The following PPARA variants were observed in gnomAD, a reference collection of about 807,000 sequenced individuals.
The protein encoded by PPARA is peroxisome proliferator-activated receptor alpha.
A neutral mutation model predicts 42.2 loss-of-function variants in PPARA; 22 were observed. The ratio of observed to expected loss-of-function variants is 0.52; its 90% confidence interval spans 0.37 to 0.74. PPARA has a LOEUF of 0.74. Ranked by LOEUF, PPARA falls within the 30% of genes least tolerant of loss-of-function variation. The pLI is 0.00. For missense variants in PPARA, 465 were observed against 608.2 expected, an observed-to-expected ratio of 0.76 and a Z score of 2.48; for synonymous variants, 242 against 239.3, an observed-to-expected ratio of 1.01 and a Z score of -0.10.
At chr22:46,209,135 A>G (rs935865931) in intron 4 of PPARA, among the ~76,000 whole-genome samples, 1 of 152,212 alleles carries the variant, frequency 6.6e-6, no homozygotes, top group African/African-American at 2.4e-5. Flanking sequence ...AGGAACCTCC[A>G]TACTTATTTT....
intron 3 of PPARA, 110 bp downstream of exon 3, chr22:46,176,946 C>T (rs899714167): frequency 1.4e-4 from 22 of 152,316 alleles, no homozygotes; most frequent in African/African-American, 4.8e-4. Flanking sequence ...CGCAGTGGCT[C>T]ACGCCTGTAA....
intron 6 of PPARA, 114 bp downstream of exon 6, chr22:46,218,515 C>G: frequency 6.5e-7 from 1 of 1,528,152 alleles, no homozygotes; most frequent in Non-Finnish European, 9.0e-7. Flanking sequence ...ACACCCAAGT[C>G]ATTTTGTAAT....
Position 46,233,877 on chromosome 22 carries a change from G to A in PPARA, c.1160-1256G>A, listed in dbSNP as rs924277078. Among the ~76,000 whole-genome samples the A allele has an allele frequency of 6.6e-6, 1 of 151,150 alleles. No homozygotes were observed. The highest frequency in any genetic ancestry group is 2.4e-5 in the African/African-American group (1 of 41,026). ...CTCCGTCTGTCACCCTGGCTGGAGT[G>A]CAGTGGCACGATCTCAGGTCACTGC... On this transcript the variant is annotated intron_variant, in intron 8 of 8. Coordinates refer to ENST00000407236, the MANE Select transcript of PPARA (RefSeq NM_005036.6). This position sits in a 1 kb window ranked among gnomAD's most constrained non-coding sequence, Gnocchi z 7.3.
rs951243730 is a variant in PPARA at position 46,162,025 on chromosome 22, C to G, written c.-127+10055C>G. 6.6e-6 allele frequency among the ~76,000 whole-genome samples: 1 copy of G among 152,164 alleles called. No homozygotes were observed. The highest frequency in any genetic ancestry group is 2.4e-5 in the African/African-American group (1 of 41,442). On this transcript the variant is annotated intron_variant, in intron 2 of 8. Coordinates refer to ENST00000407236, the MANE Select transcript of PPARA (RefSeq NM_005036.6). This position sits in a 1 kb window ranked among gnomAD's most constrained non-coding sequence, Gnocchi z 6.0. ...TTCCCCTCCCCTCACCCTGGCGACC[C>G]TTTTCGGTCTCAGTTGCCAGCCTCC... is the stretch of plus-strand genomic sequence containing the variant.
intron 3 of PPARA, among the ~76,000 whole-genome samples, 178 bp downstream of exon 3, chr22:46,177,014 T>G (rs190182859): frequency 1.1e-3 from 167 of 152,242 alleles, no homozygotes; most frequent in Admixed American, 3.5e-3. Flanking sequence ...ATTGAGACCA[T>G]CCTGGCTAAC....
In PPARA at chr22:46,230,662, C is replaced by G. The variant is rs1287496099; in HGVS notation, c.712-1130C>G. 1.3e-5 allele frequency among the ~76,000 whole-genome samples: 2 copies of G among 152,154 alleles called. No individual in the cohort carries two copies. Among genetic ancestry groups the G allele is most frequent in the African/African-American group, 2.4e-5 (1 of 41,450 alleles). On this transcript the variant is annotated intron_variant, in intron 7 of 8. Coordinates refer to ENST00000407236, the MANE Select transcript of PPARA (RefSeq NM_005036.6). This position sits in a 1 kb window ranked among gnomAD's most constrained non-coding sequence, Gnocchi z 5.0. ...GGTTTACATGCAGATGGCATGGGAG[C>G]ACACAAGGCACGGCTGTGGGGAGTT... is the stretch of plus-strand genomic sequence containing the variant.
chr22:46,175,429 A>G (rs1189583802), intron 2 of PPARA, among the ~76,000 whole-genome samples: 2 of 151,924 alleles, frequency 1.3e-5, no homozygotes, highest in Non-Finnish European at 2.9e-5. Flanking sequence ...TGAATGTCAC[A>G]TAGGCCGGGC....
chr22:46,182,527 G>A lies in PPARA; in HGVS notation c.-43+5691G>A, dbSNP rs1201560755. ...AAGTACAAACTAATCTGTAATGACA[G>A]GAAGCAGACCAGTGACAGTGGGCAT... On this transcript the variant is annotated intron_variant, in intron 3 of 8. Coordinates refer to ENST00000407236, the MANE Select transcript of PPARA (RefSeq NM_005036.6). The surrounding 1 kb of genome is among the most constrained non-coding windows in gnomAD (Gnocchi z 5.2). Among the ~76,000 whole-genome samples the A allele has an allele frequency of 6.6e-6, 1 of 152,152 alleles. No homozygotes were observed. The highest frequency in any genetic ancestry group is 1.5e-5 in the Non-Finnish European group (1 of 68,022).
intron 2 of PPARA, among the ~76,000 whole-genome samples, chr22:46,154,211 C>A (rs549572365): frequency 3.9e-5 from 6 of 152,324 alleles, no homozygotes; most frequent in African/African-American, 7.2e-5. Context: ...AGATAATCCT[C>A]ATCATGGTAA....
chr22:46,197,920 T>G (rs1865531162), intron 3 of PPARA, among the ~76,000 whole-genome samples: 1 of 144,948 alleles, frequency 6.9e-6, no homozygotes. Flanking sequence ...TAAAAAAAAT[T>G]AAAAATTAAA....
In PPARA at chr22:46,173,770, G is replaced by A. The variant is rs1173069340; in HGVS notation, c.-126-2983G>A. 1.3e-5 allele frequency among the ~76,000 whole-genome samples: 2 copies of A among 152,160 alleles called. No individual in the cohort carries two copies. The highest frequency in any genetic ancestry group is 2.9e-5 in the Non-Finnish European group (2 of 68,036). On this transcript the variant is annotated intron_variant, in intron 2 of 8. Coordinates refer to ENST00000407236, the MANE Select transcript of PPARA (RefSeq NM_005036.6). The surrounding 1 kb of genome is among the most constrained non-coding windows in gnomAD (Gnocchi z 4.3). ...CTGTATCTGTTAAATTAACAGAAGC[G>A]AAGTGTTCTGTGGTGTGTAGGAGCA... is the stretch of plus-strand genomic sequence containing the variant.
chr22:46,153,294 C>T lies in PPARA; in HGVS notation c.-127+1324C>T, dbSNP rs1032495160. On this transcript the variant is annotated intron_variant, in intron 2 of 8. Coordinates refer to ENST00000407236, the MANE Select transcript of PPARA (RefSeq NM_005036.6). The stretch of plus-strand genomic sequence containing the variant: ...GAACAATACTCCTGCCTCAGCCTCC[C>T]GAGTAGCTGGGATTACAGGCACTCA... Among the ~76,000 whole-genome samples, 18 of 151,282 alleles carry T rather than the reference C, an allele frequency of 1.2e-4. 1 individual carries two copies. Among genetic ancestry groups the T allele is most frequent in the Admixed American group, 9.9e-4 (15 of 15,204 alleles).
At chr22:46,172,114 G>C (rs1386569206) in intron 2 of PPARA, among the ~76,000 whole-genome samples, 2 of 152,042 alleles carry the variant, frequency 1.3e-5, no homozygotes, top group Non-Finnish European at 2.9e-5. Context: ...GTGAATCTGG[G>C]TACTTGGAAG....
At position 46,150,799 on chromosome 22, in the gene PPARA, TCCGGGTCC is replaced by T. The variant is rs1924291531; in HGVS notation, c.-210+149_-210+156del. 1 of 149,352 alleles carries T rather than the reference TCCGGGTCC, an allele frequency of 6.7e-6. No homozygotes were observed. The highest frequency in any genetic ancestry group is 2.5e-5 in the African/African-American group (1 of 40,474). 9.3% of individuals were successfully genotyped at this position (149,352 alleles called of 1,614,324 possible). On this transcript the variant is annotated intron_variant, in intron 1 of 8. Coordinates refer to ENST00000407236, the MANE Select transcript of PPARA (RefSeq NM_005036.6). This position sits in a 1 kb window ranked among gnomAD's most constrained non-coding sequence, Gnocchi z 7.5. Reference sequence around the variant, plus strand: ...GCGCGGGGCCCGGGGTCTCGGGGTCTCCGGGTCCCGGGGACCCGGGGGCCCGGGGTGCG... The same window carrying T: ...GCGCGGGGCCCGGGGTCTCGGGGTCTCGGGGACCCGGGGGCCCGGGGTGCG...
chr22:46,185,915 AAATATATATATATATATATATATATAT>A (rs1171729260), intron 3 of PPARA, among the ~76,000 whole-genome samples: 14 of 47,144 alleles, frequency 3.0e-4, no homozygotes, highest in African/African-American at 1.5e-3. Flanking sequence ...AAAAAAAAAA[AAATATATATATATATATATATATATAT>A]ATATATATAT....
chr22:46,157,628 C>G (rs1447977243), intron 2 of PPARA, among the ~76,000 whole-genome samples: 1 of 152,126 alleles, frequency 6.6e-6, no homozygotes, highest in Non-Finnish European at 1.5e-5. Context: ...TAAATAAAAT[C>G]CTCTTTCTTT....
At position 46,171,144 on chromosome 22, in the gene PPARA, G is replaced by C. The variant is rs937000400; in HGVS notation, c.-126-5609G>C. On this transcript the variant is annotated intron_variant, in intron 2 of 8. Transcript: ENST00000407236. The surrounding 1 kb of genome is among the most constrained non-coding windows in gnomAD (Gnocchi z 5.0). The stretch of plus-strand genomic sequence containing the variant: ...CCACTGCACTCCAGCCTGGGCAACA[G>C]AGCAAGACTCTGTCTCATAAAAAAA... 4 of 152,062 alleles carry C rather than the reference G, an allele frequency of 2.6e-5. No individual in the cohort carries two copies. Among genetic ancestry groups the C allele is most frequent in the African/African-American group, 9.7e-5 (4 of 41,218 alleles). 9.4% of individuals were successfully genotyped at this position (152,062 alleles called of 1,614,324 possible).
rs1456476282 is a variant in PPARA, at chr22:46,224,758, G to C, written c.711+4744G>C. ...CGCCTCCTCCCTGCAGGGGCTGCTG[G>C]GGTGAAAGCAACCCTGAAATGTTCA... is the stretch of plus-strand genomic sequence containing the variant. On this transcript the variant is annotated intron_variant, in intron 7 of 8. Transcript: ENST00000407236. The surrounding 1 kb of genome is among the most constrained non-coding windows in gnomAD (Gnocchi z 5.7). Among the ~76,000 whole-genome samples, 1 of 152,194 alleles carries C rather than the reference G, an allele frequency of 6.6e-6. No individual in the cohort carries two copies. Among genetic ancestry groups the C allele is most frequent in the Admixed American group, 6.5e-5 (1 of 15,274 alleles).
At chr22:46,166,754 G>T (rs2147162859) in intron 2 of PPARA, among the ~76,000 whole-genome samples, 1 of 152,262 alleles carries the variant, frequency 6.6e-6, no homozygotes, top group African/African-American at 2.4e-5. Flanking sequence ...TAAATGGCAA[G>T]TTATAACATG....
Sources: gnomAD v4.1 joint callset for allele counts (sites outside exome capture counted in the v4.1 genomes callset) on GRCh38, gnomAD v4.1.1 for gene constraint, Gnocchi (gnomAD v3.1) non-coding constraint, MANE v1.5 for transcripts, NCBI Gene and HGNC (gene_info 2026-07-23, HGNC 2026-07-21) for gene names.